TMEM65: variants seen among roughly 807,000 people sequenced by gnomAD.
TMEM65 encodes transmembrane protein 65.
TMEM65 carries 22 observed loss-of-function variants against 25.4 expected under a neutral mutation model. The ratio of observed to expected loss-of-function variants is 0.86; its 90% CI spans 0.62 to 1.23. The LOEUF is 1.23. TMEM65 is among the 50% of genes most tolerant of loss of function. The pLI, the probability that TMEM65 is intolerant of heterozygous loss-of-function variation, is 0.00. For synonymous variants in TMEM65, 132 were observed against 126.2 expected, an observed-to-expected ratio of 1.05 and a Z score of -0.31; for missense variants, 262 against 308.2, an observed-to-expected ratio of 0.85 and a Z score of 1.12.
rs534102886 is a variant in TMEM65, at chr8:124,311,768, C to T, written c.*2192G>A. The stretch of plus-strand genomic sequence containing the variant: ...GACTATGATCTTAAACATATACCTT[C>T]AGTTAAAGACAAATGGTCTCCATTT... On this transcript the variant is annotated 3_prime_UTR_variant, in exon 7 of 7. Coordinates refer to ENST00000297632, the MANE Select transcript of TMEM65 (RefSeq NM_194291.3). 3 of 152,234 alleles carry T rather than the reference C, an allele frequency of 2.0e-5. No homozygotes were observed. In the South Asian group the frequency reaches 6.2e-4, roughly 32 times the overall value. The allele number at this position is 152,234 out of a possible 1,614,324, so 9.4% of individuals were successfully genotyped here. A position where few individuals can be genotyped will look rare whatever the true frequency, so the allele number is the denominator to read the frequency against.
intron 1 of TMEM65, among the ~76,000 whole-genome samples, chr8:124,355,246 GAAAA>G (rs796395506): frequency 3.4e-4 from 49 of 144,164 alleles, no homozygotes; most frequent in Admixed American, 1.5e-3. Flanking sequence ...CCTTTGAGCA[GAAAA>G]AAAAAAAATT....
chr8:124,361,693 G>A (rs1017819189), intron 1 of TMEM65, among the ~76,000 whole-genome samples: 5 of 150,608 alleles, frequency 3.3e-5, no homozygotes, highest in East Asian at 2.0e-4. Flanking sequence ...AAAATTAGCC[G>A]GGAATGGTGG....
chr8:124,318,520 C>T (rs1308141726), intron 6 of TMEM65, among the ~76,000 whole-genome samples: 1 of 151,436 alleles, frequency 6.6e-6, no homozygotes, highest in Non-Finnish European at 1.5e-5. Context: ...GGATTACAGG[C>T]GCCTGCCACC....
rs1026544517 is a variant in TMEM65 at position 124,320,620 on chromosome 8, G to A, written c.516-429C>T. 1.3e-4 allele frequency among the ~76,000 whole-genome samples: 20 copies of A among 152,222 alleles called. 1 individual carries two copies. Among genetic ancestry groups the A allele is most frequent in the East Asian group, 1.9e-4 (1 of 5,184 alleles). On this transcript the variant is annotated intron_variant, in intron 5 of 6. Coordinates refer to ENST00000297632, the MANE Select transcript of TMEM65 (RefSeq NM_194291.3). ...ATACAAATTAGTAACTTATCAGACA[G>A]CAAAAGTTTCCAAAATTCCTCAGAT... is the stretch of plus-strand genomic sequence containing the variant.
At chr8:124,356,406 ATATACT>A (rs1043759855) in intron 1 of TMEM65, among the ~76,000 whole-genome samples, 1 of 152,190 alleles carries the variant, frequency 6.6e-6, no homozygotes, top group African/African-American at 2.4e-5. Flanking sequence ...CACCAGTAAC[ATATACT>A]TAAAGTAAAT....
At chr8:124,320,307 C>A in intron 5 of TMEM65, 116 bp from the exon 6 acceptor site, 1 of 611,932 alleles carries the variant, frequency 1.6e-6, no homozygotes, top group Non-Finnish European at 2.7e-6. Flanking sequence ...AAAAGACATG[C>A]AAATGTCCTC....
At chr8:124,330,663 C>A in intron 2 of TMEM65, 85 bp downstream of exon 2, 1 of 1,285,326 alleles carries the variant, frequency 7.8e-7, no homozygotes, top group South Asian at 1.3e-5. Context: ...AATTTACTGA[C>A]TCTTCTGTGC....
At chr8:124,334,970 T>C (rs1814487891) in intron 1 of TMEM65, among the ~76,000 whole-genome samples, 1 of 151,888 alleles carries the variant, frequency 6.6e-6, no homozygotes, top group African/African-American at 2.4e-5. Context: ...TTAAAAGGGC[T>C]AATATATGCT....
chr8:124,371,839 A>G lies in TMEM65; in HGVS notation c.304+15T>C, dbSNP rs781696177. Reference sequence around the variant, plus strand: ...GTCGGGGCCCCCGGGCTCGCCCCCCACCTGCCCCCCTTACCTTGGGCAATG... The same window carrying G: ...GTCGGGGCCCCCGGGCTCGCCCCCCGCCTGCCCCCCTTACCTTGGGCAATG... On this transcript the variant is annotated intron_variant, in intron 1 of 6. Coordinates refer to ENST00000297632, the MANE Select transcript of TMEM65 (RefSeq NM_194291.3). The G allele has an allele frequency of 2.0e-6, 3 of 1,510,904 alleles. No individual in the cohort carries two copies. The highest frequency in any genetic ancestry group is 2.9e-5 in the African/African-American group (2 of 69,254). The allele number at this position is 1,510,904 out of a possible 1,614,324, so 93.6% of individuals were successfully genotyped here.
At chr8:124,362,849 G>T (rs1367317067) in intron 1 of TMEM65, among the ~76,000 whole-genome samples, 1 of 152,062 alleles carries the variant, frequency 6.6e-6, no homozygotes, top group Non-Finnish European at 1.5e-5. Context: ...AAGAGTAAAT[G>T]TGTTTGTTTA....
At chr8:124,362,927 T>C (rs966148801) in intron 1 of TMEM65, among the ~76,000 whole-genome samples, 5 of 152,204 alleles carry the variant, frequency 3.3e-5, no homozygotes, top group Non-Finnish European at 7.3e-5. Flanking sequence ...ATGCTATCTA[T>C]TAGGATTTCT....
At chr8:124,363,376 T>C (rs530806485) in intron 1 of TMEM65, among the ~76,000 whole-genome samples, 21 of 152,346 alleles carry the variant, frequency 1.4e-4, no homozygotes, top group African/African-American at 4.8e-4. Flanking sequence ...ATTATGGTGA[T>C]TATTTTAAAT....
At chr8:124,332,715 A>C (rs1814447213) in intron 1 of TMEM65, among the ~76,000 whole-genome samples, 1 of 152,136 alleles carries the variant, frequency 6.6e-6, no homozygotes, top group Non-Finnish European at 1.5e-5. Flanking sequence ...CTGCTTCACA[A>C]AGAACCTACA....
chr8:124,362,111 T>TA (rs1369870663), intron 1 of TMEM65, among the ~76,000 whole-genome samples: 1 of 151,736 alleles, frequency 6.6e-6, no homozygotes, highest in Admixed American at 6.6e-5. Context: ...AGGCTGGTCT[T>TA]AAACTCCTGA....
intron 6 of TMEM65, among the ~76,000 whole-genome samples, chr8:124,319,122 T>C (rs1487707717): frequency 1.3e-5 from 2 of 152,184 alleles, no homozygotes; most frequent in African/African-American, 4.8e-5. Flanking sequence ...TAAGTATTTG[T>C]TGAATGAAGG....
In TMEM65 at chr8:124,371,878, A is replaced by G; in HGVS notation, c.280T>C (p.Phe94Leu). The change falls in exon 1 of 7, where the codon TTC becomes CTC. Residue 94 changes from phenylalanine to leucine, a missense_variant. By Grantham distance (22) the Phe-to-Leu change is conservative. Transcript: ENST00000297632. ...CCTTGGGCAATGGCAATAGACTCGA[A>G]GCGGTGCAGCTCTTTGAGCAGGCAG... Reference protein sequence around the residue: ...RSCLLKELHRFESIAIAQEKL... With the variant: ...RSCLLKELHRLESIAIAQEKL... The G allele has an allele frequency of 6.5e-7, 1 of 1,545,774 alleles. No individual in the cohort carries two copies. The highest frequency in any genetic ancestry group is 8.7e-7 in the Non-Finnish European group (1 of 1,151,436).
Position 124,371,989 on chromosome 8 carries a change from G to C in TMEM65, c.169C>G (p.His57Asp). ...GCCTCCATGGGCTCCTTCTTGGGGTGCGTGCCCAGCCGCCTGGGGCCGCCC... is the reference window on the plus strand; with the variant it reads ...GCCTCCATGGGCTCCTTCTTGGGGTCCGTGCCCAGCCGCCTGGGGCCGCCC... ...LPGGPRRLGT[H>D]PKKEPMEALN... Residue 57 changes from histidine to aspartate, a missense_variant, in exon 1 of 7, where the codon CAC becomes GAC. His to Asp is a moderately conservative substitution (Grantham distance 81, BLOSUM62 -1). Coordinates refer to ENST00000297632, the MANE Select transcript of TMEM65 (RefSeq NM_194291.3). 7.1e-7 allele frequency: 1 copy of C among 1,413,184 alleles called. No individual in the cohort carries two copies. The highest frequency in any genetic ancestry group is 9.3e-7 in the Non-Finnish European group (1 of 1,079,294). The allele number at this position is 1,413,184 out of a possible 1,614,324, so 87.5% of individuals were successfully genotyped here.
In TMEM65 at chr8:124,353,327, C is replaced by T. The variant is rs1814737106; in HGVS notation, c.304+18527G>A. Among the ~76,000 whole-genome samples, 3 of 151,776 alleles carry T rather than the reference C, an allele frequency of 2.0e-5. No homozygotes were observed. The South Asian group carries it at 6.3e-4, about 32-fold the overall frequency. ...ATAAATATATTAAAAATAATAGGAG[C>T]TAGGAATTTCTCCATCAGAGAATGG... On this transcript the variant is annotated intron_variant, in intron 1 of 6. Coordinates refer to ENST00000297632, the MANE Select transcript of TMEM65 (RefSeq NM_194291.3).
chr8:124,334,530 C>A (rs765258604), intron 1 of TMEM65, among the ~76,000 whole-genome samples: 1 of 151,688 alleles, frequency 6.6e-6, no homozygotes, highest in Non-Finnish European at 1.5e-5. Context: ...TTTTGGGAGG[C>A]CAAGGTGGGT....
Sources: allele counts gnomAD v4.1 joint callset (sites outside exome capture counted in the v4.1 genomes callset), GRCh38; gene constraint gnomAD v4.1.1; transcripts MANE v1.5; gene names NCBI Gene and HGNC (gene_info 2026-07-23, HGNC 2026-07-21).